RAD51B: variants seen among roughly 807,000 people sequenced by gnomAD.
The protein encoded by RAD51B is RAD51 paralog B.
Under a neutral mutation model 42.2 loss-of-function variants are expected in RAD51B, and 38 were observed. The ratio of observed to expected loss-of-function variants is 0.90; its 90% CI spans 0.70 to 1.18. The LOEUF is 1.18. Among genes scored for constraint, RAD51B ranks in the 50% most tolerant of loss-of-function variants. The probability of loss-of-function intolerance (pLI) is 0.00; values close to 1 mark genes in which losing one functional copy is unlikely to be tolerated. For missense variants in RAD51B, 373 were observed against 400.7 expected (o/e 0.93, Z 0.59); for synonymous variants, 154 against 145.2 (o/e 1.06, Z -0.43).
intron 10 of RAD51B, among the ~76,000 whole-genome samples, chr14:68,523,256 G>C (rs949445042): frequency 1.3e-5 from 2 of 152,180 alleles, no homozygotes; most frequent in Non-Finnish European, 2.9e-5. Flanking sequence ...CCCTGCCCTG[G>C]GATGGGAAGC....
intron 8 of RAD51B, among the ~76,000 whole-genome samples, chr14:68,292,861 A>G (rs1288516492): frequency 6.6e-6 from 1 of 152,204 alleles, no homozygotes; most frequent in Non-Finnish European, 1.5e-5. Flanking sequence ...TGGCTAATTT[A>G]TGAAAACTGT....
chr14:67,968,107 G>A lies in RAD51B; in HGVS notation c.756+80903G>A, dbSNP rs551225039. On this transcript the variant is annotated intron_variant, in intron 7 of 10. Transcript: ENST00000471583. Reference sequence around the variant, plus strand: ...GAGCTTGTACTCTCTGAAACTATGCGCTGAGCTGTACCTTGACCCCTTTTA... The same window carrying A: ...GAGCTTGTACTCTCTGAAACTATGCACTGAGCTGTACCTTGACCCCTTTTA... Among the ~76,000 whole-genome samples the A allele has an allele frequency of 5.2e-3, 796 of 152,290 alleles. 7 individuals are homozygous for A. Among genetic ancestry groups the A allele is most frequent in the African/African-American group, 0.018 (737 of 41,552 alleles).
At position 68,679,012 on chromosome 14, in the gene RAD51B, C is replaced by T. The variant is rs147499055; in HGVS notation, c.*11+28156C>T. Among the ~76,000 whole-genome samples, 333 of 152,256 alleles carry T rather than the reference C, an allele frequency of 2.2e-3. 2 individuals carry two copies. The highest frequency in any genetic ancestry group is 7.6e-3 in the African/African-American group (315 of 41,542). ...CTCCCTGCCCCTGCCCCCACCCCCT[C>T]AAATTGGTCTGGCCTAAGGCCATGC... On this transcript the variant is annotated intron_variant, in intron 11 of 11. Coordinates refer to the RAD51B transcript ENST00000488612.
At chr14:68,284,021 A>T (rs2081369771) in intron 7 of RAD51B, among the ~76,000 whole-genome samples, 1 of 152,154 alleles carries the variant, frequency 6.6e-6, no homozygotes, top group Non-Finnish European at 1.5e-5. Context: ...TGCAAAGCTG[A>T]GGAGATTTTT....
intron 7 of RAD51B, among the ~76,000 whole-genome samples, chr14:68,138,798 T>C (rs913190657): frequency 6.6e-6 from 1 of 152,216 alleles, no homozygotes; most frequent in Non-Finnish European, 1.5e-5. Context: ...AACAGACTTT[T>C]ATAGCTTAAC....
intron 5 of RAD51B, among the ~76,000 whole-genome samples, chr14:67,866,321 T>C (rs2042335525): frequency 6.6e-6 from 1 of 152,078 alleles, no homozygotes; most frequent in African/African-American, 2.4e-5. Context: ...AACATGAAAA[T>C]ATATTTGAGA....
chr14:67,959,904 A>T (rs1322447636), intron 7 of RAD51B, among the ~76,000 whole-genome samples: 2 of 152,016 alleles, frequency 1.3e-5, no homozygotes, highest in Non-Finnish European at 2.9e-5. Context: ...ACATGGTGAA[A>T]CCCTGTCTCT....
chr14:68,020,585 T>G (rs1279311599), intron 7 of RAD51B, among the ~76,000 whole-genome samples: 2 of 152,194 alleles, frequency 1.3e-5, no homozygotes, highest in East Asian at 3.8e-4. Flanking sequence ...GGTGTATATC[T>G]GTTCAGACTT....
intron 11 of RAD51B, among the ~76,000 whole-genome samples, chr14:68,656,832 T>A (rs1286592638): frequency 6.6e-6 from 1 of 152,188 alleles, no homozygotes; most frequent in Admixed American, 6.5e-5. Context: ...ATGGGTCACT[T>A]GTCCCCTCTG....
At chr14:68,109,840 C>G (rs1440392029) in intron 7 of RAD51B, among the ~76,000 whole-genome samples, 3 of 151,994 alleles carry the variant, frequency 2.0e-5, no homozygotes, top group African/African-American at 7.2e-5. Context: ...ATTTTAGCCT[C>G]TCGTCAGATT....
At chr14:68,089,362 C>T (rs538732013) in intron 7 of RAD51B, among the ~76,000 whole-genome samples, 2 of 152,268 alleles carry the variant, frequency 1.3e-5, no homozygotes, top group South Asian at 2.1e-4. Context: ...AAAGGTTGCT[C>T]CTCTGGAATA....
chr14:68,478,797 G>A (rs1882928314), downstream of RAD51B, among the ~76,000 whole-genome samples: 1 of 152,202 alleles, frequency 6.6e-6, no homozygotes, highest in Non-Finnish European at 1.5e-5. Flanking sequence ...CCAAGTAGGT[G>A]CAGATTGATG....
intron 10 of RAD51B, among the ~76,000 whole-genome samples, chr14:68,608,411 G>A (rs997163135): frequency 2.0e-5 from 3 of 152,188 alleles, no homozygotes; most frequent in Non-Finnish European, 2.9e-5. Context: ...TTGGGAGCAC[G>A]CAGGAGATGC....
At chr14:68,479,769 A>C (rs1190274083), downstream of RAD51B, among the ~76,000 whole-genome samples, 1 of 149,138 alleles carries the variant, frequency 6.7e-6, no homozygotes, top group Non-Finnish European at 1.5e-5. Flanking sequence ...CCCAGGCTCA[A>C]GCAATACTCC....
At chr14:68,504,662 CTTTTTTTTTTTT>C (rs57967320) in intron 10 of RAD51B, among the ~76,000 whole-genome samples, 6 of 90,432 alleles carry the variant, frequency 6.6e-5, no homozygotes, top group Admixed American at 1.4e-4. Flanking sequence ...TTTTTTCTTT[CTTTTTTTTTTTT>C]TTTTTTTTTT....
intron 8 of RAD51B, among the ~76,000 whole-genome samples, chr14:68,322,138 A>G (rs1357449010): frequency 6.6e-6 from 1 of 152,224 alleles, no homozygotes; most frequent in African/African-American, 2.4e-5. Flanking sequence ...TAGATTAAAT[A>G]AATGTATAAA....
chr14:68,377,765 G>A (rs557770404), intron 8 of RAD51B, among the ~76,000 whole-genome samples: 3 of 152,180 alleles, frequency 2.0e-5, no homozygotes, highest in Non-Finnish European at 4.4e-5. Context: ...TTTGCTAATA[G>A]CCATCTGTGT....
At chr14:68,353,112 C>G (rs1342292153) in intron 8 of RAD51B, among the ~76,000 whole-genome samples, 1 of 152,196 alleles carries the variant, frequency 6.6e-6, no homozygotes, top group Non-Finnish European at 1.5e-5. Flanking sequence ...GGCCTCTTCC[C>G]TAGCCTTTCC....
intron 11 of RAD51B, among the ~76,000 whole-genome samples, chr14:68,677,597 C>T (rs1318908281): frequency 1.3e-5 from 2 of 152,286 alleles, no homozygotes; most frequent in East Asian, 3.9e-4. Flanking sequence ...TCTTGTGAAA[C>T]CTTGTGTCCT....
Sources: gnomAD v4.1 joint callset for allele counts (sites outside exome capture counted in the v4.1 genomes callset) on GRCh38, gnomAD v4.1.1 for gene constraint, MANE v1.5 for transcripts, NCBI Gene and HGNC (gene_info 2026-07-23, HGNC 2026-07-21) for gene names.